UGT1A10: variants seen among roughly 807,000 people sequenced by gnomAD.
UGT1A10 encodes the protein UDP-glucuronosyltransferase 1A10.
Under a neutral mutation model 45.8 loss-of-function variants are expected in UGT1A10, and 49 were observed. The observed-to-expected ratio is 1.07, with a 90% confidence interval of 0.85 to 1.36. The LOEUF is 1.36. Ranked by LOEUF, UGT1A10 falls within the 40% of genes most tolerant of loss-of-function variation. The probability of loss-of-function intolerance (pLI) is 0.00; values close to 1 mark genes in which losing one functional copy is unlikely to be tolerated. For missense variants in UGT1A10, 745 were observed against 668.6 expected (o/e 1.11, Z -1.26); for synonymous variants, 284 against 249.7 (o/e 1.14, Z -1.29).
intron 1 of UGT1A10, among the ~76,000 whole-genome samples, chr2:233,718,195 A>C (rs1455631272): frequency 6.6e-6 from 1 of 152,034 alleles, no homozygotes; most frequent in Non-Finnish European, 1.5e-5. Flanking sequence ...GCCTCCCCGG[A>C]GCTTTTTTTT....
At chr2:233,712,095 A>G (rs1426604631) in intron 1 of UGT1A10, among the ~76,000 whole-genome samples, 2 of 152,252 alleles carry the variant, frequency 1.3e-5, no homozygotes, top group African/African-American at 2.4e-5. Flanking sequence ...ATGAATGGAC[A>G]CTTCAGTCTC....
At chr2:233,728,691 G>A (rs2077742456) in intron 1 of UGT1A10, among the ~76,000 whole-genome samples, 1 of 152,170 alleles carries the variant, frequency 6.6e-6, no homozygotes, top group South Asian at 2.1e-4. Flanking sequence ...AAGTTTCAAG[G>A]GTTAGCAAAT....
At chr2:233,732,404 T>C (rs956543939) in intron 1 of UGT1A10, among the ~76,000 whole-genome samples, 10 of 152,268 alleles carry the variant, frequency 6.6e-5, no homozygotes, top group African/African-American at 2.2e-4. Flanking sequence ...GCCTAAATGA[T>C]ATTGCCTAGG....
rs1197217619 is a variant in UGT1A10, at chr2:233,750,175, GA to G, written c.856-16858del. 5.9e-5 allele frequency among the ~76,000 whole-genome samples: 9 copies of G among 151,894 alleles called. 1 individual carries two copies. The highest frequency in any genetic ancestry group is 2.2e-4 in the African/African-American group (9 of 41,136). Reference sequence around the variant, plus strand: ...GTTGAATGGTTTTGACCAAAATGCTGATAATGTTGTGGACAATGAAGTCCAG... The same window carrying G: ...GTTGAATGGTTTTGACCAAAATGCTGTAATGTTGTGGACAATGAAGTCCAG... On this transcript the variant is annotated intron_variant, in intron 1 of 4. Coordinates refer to ENST00000344644, the MANE Select transcript of UGT1A10 (RefSeq NM_019075.4).
intron 1 of UGT1A10, chr2:233,713,795 G>A (rs371219022): frequency 4.3e-5 from 69 of 1,614,024 alleles, no homozygotes; most frequent in African/African-American, 1.5e-4. Flanking sequence ...ACCCCAGGCC[G>A]ATCATGCCCA....
intron 1 of UGT1A10, chr2:233,712,937 A>C: frequency 6.2e-6 from 10 of 1,612,352 alleles, no homozygotes; most frequent in East Asian, 4.5e-5. Context: ...GAAGGAAACA[A>C]TTCTAGGAGG....
At chr2:233,729,141 C>G (rs751723491) in intron 1 of UGT1A10, 1 of 1,613,390 alleles carries the variant, frequency 6.2e-7, no homozygotes, top group South Asian at 1.1e-5. Flanking sequence ...CCACAGGACT[C>G]CAGGTTCCCC....
At chr2:233,767,675 C>G (rs1273555402) in intron 2 of UGT1A10, among the ~76,000 whole-genome samples, 174 bp from the exon 3 acceptor site, 1 of 152,180 alleles carries the variant, frequency 6.6e-6, no homozygotes, top group Non-Finnish European at 1.5e-5. Context: ...ACTAAACCTC[C>G]AAAACAAGAT....
At chr2:233,730,116 T>C in intron 1 of UGT1A10, 1 of 1,558,872 alleles carries the variant, frequency 6.4e-7, no homozygotes, top group Non-Finnish European at 8.7e-7. Flanking sequence ...TGCTTCTCCT[T>C]GTCATAATAG....
intron 1 of UGT1A10, among the ~76,000 whole-genome samples, chr2:233,736,127 C>T (rs143835193): frequency 0.028 from 4,197 of 152,268 alleles, 184 homozygotes; most frequent in African/African-American, 0.094. Flanking sequence ...TTCCATTCTC[C>T]GCATCACTTT....
chr2:233,738,480 A>T (rs981519178), intron 1 of UGT1A10, among the ~76,000 whole-genome samples: 1 of 152,194 alleles, frequency 6.6e-6, no homozygotes, highest in African/African-American at 2.4e-5. Flanking sequence ...CTTCCTGGAG[A>T]CTTGTTGAAC....
At chr2:233,663,368 A>G (rs1042243176) in intron 1 of UGT1A10, among the ~76,000 whole-genome samples, 1 of 152,188 alleles carries the variant, frequency 6.6e-6, no homozygotes, top group Non-Finnish European at 1.5e-5. Flanking sequence ...CCAGTAATCC[A>G]GGAGTGCTGA....
At chr2:233,736,085 G>T (rs1296774053) in intron 1 of UGT1A10, among the ~76,000 whole-genome samples, 5 of 152,146 alleles carry the variant, frequency 3.3e-5, no homozygotes, top group African/African-American at 9.7e-5. Flanking sequence ...AGTTCTCCTG[G>T]ATAATATCCT....
intron 1 of UGT1A10, among the ~76,000 whole-genome samples, chr2:233,683,816 A>G (rs564752675): frequency 6.6e-6 from 1 of 151,880 alleles, no homozygotes; most frequent in African/African-American, 2.4e-5. Flanking sequence ...ATATTACTAA[A>G]CTCTCGTATT....
intron 1 of UGT1A10, among the ~76,000 whole-genome samples, chr2:233,696,893 A>C (rs1347117727): frequency 6.6e-6 from 1 of 152,190 alleles, no homozygotes; most frequent in African/African-American, 2.4e-5. Context: ...GTTCTGTCCT[A>C]AATTCTGTCA....
chr2:233,642,080 C>T (rs1287225433), intron 1 of UGT1A10, among the ~76,000 whole-genome samples: 1 of 152,092 alleles, frequency 6.6e-6, no homozygotes, highest in Non-Finnish European at 1.5e-5. Flanking sequence ...GTTATTATCC[C>T]TTTGAATAAA....
At chr2:233,644,603 C>T (rs941675133) in intron 1 of UGT1A10, among the ~76,000 whole-genome samples, 1 of 151,872 alleles carries the variant, frequency 6.6e-6, no homozygotes, top group Non-Finnish European at 1.5e-5. Flanking sequence ...TAAACGCTCT[C>T]TCAGTGGGTG....
chr2:233,644,232 C>G (rs1301267897), intron 1 of UGT1A10, among the ~76,000 whole-genome samples: 1 of 152,276 alleles, frequency 6.6e-6, no homozygotes, highest in East Asian at 1.9e-4. Context: ...CAAGTTCAGA[C>G]CTCTGAGATC....
At chr2:233,702,598 G>A (rs546581826) in intron 1 of UGT1A10, among the ~76,000 whole-genome samples, 2 of 152,156 alleles carry the variant, frequency 1.3e-5, no homozygotes, top group South Asian at 4.1e-4. Context: ...GAGATTTTTT[G>A]AGTAGATGCC....
Sources: allele counts gnomAD v4.1 joint callset (sites outside exome capture counted in the v4.1 genomes callset), GRCh38; gene constraint gnomAD v4.1.1; transcripts MANE v1.5; gene names NCBI Gene and HGNC (gene_info 2026-07-23, HGNC 2026-07-21).